The following NEBL variants were observed in gnomAD, a reference collection of about 807,000 sequenced individuals.
The protein encoded by NEBL is nebulette.
In NEBL, 122 loss-of-function variants were observed where a neutral mutation model predicts 140.2. The ratio of observed to expected loss-of-function variants is 0.87; its 90% confidence interval spans 0.75 to 1.01. The LOEUF is 1.01. NEBL is among the 50% of genes least tolerant of loss of function. The pLI is 0.00. For synonymous variants in NEBL, 436 were observed against 398.9 expected, an observed-to-expected ratio of 1.09 and a Z score of -1.11; for missense variants, 1,365 against 1,231.3, an observed-to-expected ratio of 1.11 and a Z score of -1.62.
intron 2 of NEBL, among the ~76,000 whole-genome samples, chr10:21,061,872 T>C (rs1436614193): frequency 6.6e-6 from 1 of 152,206 alleles, no homozygotes; most frequent in Non-Finnish European, 1.5e-5. Flanking sequence ...AACACTGTCC[T>C]AGAGACAATA....
intron 2 of NEBL, among the ~76,000 whole-genome samples, chr10:21,023,459 C>G (rs997928686): frequency 1.3e-5 from 2 of 152,094 alleles, no homozygotes; most frequent in Middle Eastern, 6.8e-3. Flanking sequence ...TTTGGGAGGA[C>G]GAGGCAGGTG....
intron 4 of NEBL, among the ~76,000 whole-genome samples, chr10:20,914,905 C>T (rs570418048): frequency 6.0e-5 from 9 of 151,000 alleles, no homozygotes; most frequent in South Asian, 4.2e-4. Context: ...TCACCCAGGC[C>T]GGAATGCAGT....
chr10:21,186,905 G>A (rs947590985), intron 3 of NEBL, among the ~76,000 whole-genome samples: 1 of 151,852 alleles, frequency 6.6e-6, no homozygotes, highest in Non-Finnish European at 1.5e-5. Context: ...CAGTAGGAAT[G>A]TGCTTTTTTT....
intron 4 of NEBL, among the ~76,000 whole-genome samples, chr10:20,929,677 T>C (rs1287110344): frequency 6.9e-6 from 1 of 144,266 alleles, no homozygotes; most frequent in African/African-American, 2.6e-5. Flanking sequence ...TGTTCTCATT[T>C]ACAAGTGGGA....
At chr10:20,924,474 CA>C (rs1208207135) in intron 4 of NEBL, among the ~76,000 whole-genome samples, 1 of 135,222 alleles carries the variant, frequency 7.4e-6, no homozygotes, top group Non-Finnish European at 1.6e-5. Context: ...CTTCGTTCAC[CA>C]AAATAAGCTC....
chr10:21,142,808 G>A (rs1839701644), intron 2 of NEBL, among the ~76,000 whole-genome samples: 1 of 152,072 alleles, frequency 6.6e-6, no homozygotes, highest in Admixed American at 6.6e-5. Context: ...TGCTCCTTAT[G>A]AGAATCTAAC....
At chr10:20,991,462 A>C (rs192593114) in intron 3 of NEBL, among the ~76,000 whole-genome samples, 150 of 152,264 alleles carry the variant, frequency 9.9e-4, no homozygotes, top group African/African-American at 3.5e-3. Flanking sequence ...GAAAAGATAA[A>C]ATTTTCCCTG....
intron 3 of NEBL, among the ~76,000 whole-genome samples, chr10:20,973,095 G>T (rs1836649931): frequency 6.6e-6 from 1 of 152,146 alleles, no homozygotes; most frequent in Admixed American, 6.5e-5. Context: ...AGTGTCAGTT[G>T]TAAGAAATGC....
At chr10:21,199,218 G>T (rs769193235) in intron 3 of NEBL, among the ~76,000 whole-genome samples, 38 of 150,674 alleles carry the variant, frequency 2.5e-4, no homozygotes, top group Non-Finnish European at 4.0e-4. Context: ...TTTTAGAGAT[G>T]GGGGGGGTCT....
At chr10:20,825,459 C>T (rs1216331172) in intron 18 of NEBL, among the ~76,000 whole-genome samples, 1 of 151,980 alleles carries the variant, frequency 6.6e-6, no homozygotes, top group Non-Finnish European at 1.5e-5. Flanking sequence ...GTGTTTGAGA[C>T]CAGCCTGGCC....
chr10:21,154,495 G>A (rs958109973), intron 2 of NEBL, among the ~76,000 whole-genome samples: 1 of 148,078 alleles, frequency 6.8e-6, no homozygotes, highest in African/African-American at 2.5e-5. Context: ...ATGTAAACAA[G>A]CTATAACATT....
rs146423130 is a variant in NEBL, at chr10:20,805,131, T to C, written c.2761+3379A>G. 4.8e-3 allele frequency among the ~76,000 whole-genome samples: 731 copies of C among 152,260 alleles called. 8 individuals are homozygous for C. Among genetic ancestry groups the C allele is most frequent in the African/African-American group, 0.017 (712 of 41,550 alleles). ...ATGGGGTATGAGTGAAAGACAAGCG[T>C]CAGGGATGACTCCAAAGGGTTTAAG... On this transcript the variant is annotated intron_variant, in intron 26 of 27. Coordinates refer to ENST00000377122, the MANE Select transcript of NEBL (RefSeq NM_006393.3).
chr10:20,795,263 T>C (rs1243855181), intron 26 of NEBL, among the ~76,000 whole-genome samples: 1 of 152,000 alleles, frequency 6.6e-6, no homozygotes, highest in African/African-American at 2.4e-5. Flanking sequence ...GAAAAATGAG[T>C]TTAAATGCAC....
chr10:21,072,469 A>T (rs1835861224), intron 2 of NEBL, among the ~76,000 whole-genome samples: 1 of 152,218 alleles, frequency 6.6e-6, no homozygotes, highest in Non-Finnish European at 1.5e-5. Context: ...TGCCACTTTT[A>T]TCAGGAGCCA....
intron 2 of NEBL, among the ~76,000 whole-genome samples, chr10:21,135,113 T>G (rs956703986): frequency 6.6e-6 from 1 of 152,242 alleles, no homozygotes. Flanking sequence ...CAGAGCTTTG[T>G]GTGTAACAGG....
intron 3 of NEBL, among the ~76,000 whole-genome samples, chr10:21,003,611 TG>T (rs1837997894): frequency 6.6e-6 from 1 of 152,194 alleles, no homozygotes; most frequent in Admixed American, 6.5e-5. Flanking sequence ...CAATGATTAT[TG>T]ACTGAGGGAT....
chr10:20,794,933 A>G (rs1490658672), intron 26 of NEBL, among the ~76,000 whole-genome samples: 1 of 152,178 alleles, frequency 6.6e-6, no homozygotes, highest in African/African-American at 2.4e-5. Context: ...CTTTTCACCA[A>G]CAAAGGAGCT....
Position 21,272,767 on chromosome 10 carries a change from G to C in NEBL, n.182+20063C>G, listed in dbSNP as rs566627772. The stretch of plus-strand genomic sequence containing the variant: ...TCAATGAGATCATTGGAGTGAAAGA[G>C]GAGTGTCAACTGTGAATCATTATTA... On this transcript the variant is annotated intron_variant and non_coding_transcript_variant, in intron 1 of 8. Transcript: ENST00000675702. Among the ~76,000 whole-genome samples, 10 of 152,266 alleles carry C rather than the reference G, an allele frequency of 6.6e-5. No individual in the cohort carries two copies. In the South Asian group the frequency reaches 2.1e-3, roughly 32 times the overall value.
intron 3 of NEBL, among the ~76,000 whole-genome samples, chr10:21,237,204 G>T (rs1279150103): frequency 6.6e-6 from 1 of 151,992 alleles, no homozygotes; most frequent in African/African-American, 2.4e-5. Context: ...CTTTTGTTTT[G>T]GTTTGTTTTG....
Sources: gnomAD v4.1 joint callset for allele counts (sites outside exome capture counted in the v4.1 genomes callset) on GRCh38, gnomAD v4.1.1 for gene constraint, MANE v1.5 for transcripts, NCBI Gene and HGNC (gene_info 2026-07-23, HGNC 2026-07-21) for gene names.